STK39: variants seen among roughly 807,000 people sequenced by gnomAD.
STK39 encodes serine/threonine kinase 39.
Under a neutral mutation model 77.8 loss-of-function variants are expected in STK39, and 20 were observed. The observed-to-expected ratio is 0.26, with a 90% confidence interval of 0.18 to 0.37. The LOEUF (loss-of-function observed/expected upper bound fraction) is 0.37, where lower values mean the gene tolerates loss of function less well. STK39 is among the 10% of genes least tolerant of loss of function. STK39 has a pLI of 1.00. For missense variants in STK39, 479 were observed against 656.5 expected, an observed-to-expected ratio of 0.73 and a Z score of 2.95; for synonymous variants, 246 against 234.1, an observed-to-expected ratio of 1.05 and a Z score of -0.47.
chr2:168,084,176 G>A (rs933328369), intron 10 of STK39, among the ~76,000 whole-genome samples: 8 of 152,160 alleles, frequency 5.3e-5, no homozygotes, highest in African/African-American at 1.4e-4. Context: ...GCTTTCAGGT[G>A]GGCATGGTGG....
At position 168,142,761 on chromosome 2, in the gene STK39, G is replaced by C. The variant is rs186746526; in HGVS notation, c.629-2003C>G. Among the ~76,000 whole-genome samples the C allele has an allele frequency of 7.5e-4, 114 of 152,238 alleles. 1 individual carries two copies. Among genetic ancestry groups the C allele is most frequent in the Middle Eastern group, 6.8e-3 (2 of 294 alleles). On this transcript the variant is annotated intron_variant, in intron 5 of 17. Transcript: ENST00000355999. ...GATGGCTAAATGTCTTTAAAACTCA[G>C]AACAAAAATTTCAGGAGCAGAAAAC...
intron 16 of STK39, among the ~76,000 whole-genome samples, chr2:167,993,003 A>G (rs138037790): frequency 2.6e-4 from 40 of 152,372 alleles, no homozygotes; most frequent in African/African-American, 8.9e-4. Context: ...CTGCTTTAAT[A>G]TTCCTAGCTT....
At chr2:167,972,956 G>A (rs1215922090) in intron 16 of STK39, among the ~76,000 whole-genome samples, 2 of 152,042 alleles carry the variant, frequency 1.3e-5, no homozygotes, top group African/African-American at 4.8e-5. Flanking sequence ...CTGCTTATTA[G>A]GCCCTAGAAA....
At chr2:167,994,176 C>A (rs1683772359) in intron 16 of STK39, among the ~76,000 whole-genome samples, 1 of 152,062 alleles carries the variant, frequency 6.6e-6, no homozygotes, top group African/African-American at 2.4e-5. Context: ...TAAATAAAAC[C>A]ACCATCTCAA....
intron 5 of STK39, among the ~76,000 whole-genome samples, chr2:168,145,753 G>C (rs1193087915): frequency 6.6e-6 from 1 of 152,140 alleles, no homozygotes; most frequent in African/African-American, 2.4e-5. Context: ...TTCTAACCAA[G>C]AATGTCCAGT....
At chr2:168,171,073 G>A (rs143584325) in intron 2 of STK39, among the ~76,000 whole-genome samples, 239 of 152,284 alleles carry the variant, frequency 1.6e-3, no homozygotes, top group African/African-American at 4.7e-3. Context: ...TGTCACAAGC[G>A]CCAAACCAAG....
chr2:168,137,809 C>T (rs975121836), intron 8 of STK39, among the ~76,000 whole-genome samples: 2 of 152,304 alleles, frequency 1.3e-5, no homozygotes, highest in Non-Finnish European at 1.5e-5. Context: ...TTCTGTTTTA[C>T]TTCATTTCCT....
intron 16 of STK39, among the ~76,000 whole-genome samples, chr2:168,006,269 T>A (rs1020060401): frequency 2.0e-5 from 3 of 152,206 alleles, no homozygotes; most frequent in African/African-American, 7.2e-5. Context: ...TAGGAGTCGG[T>A]AAGCAGGCCA....
intron 1 of STK39, among the ~76,000 whole-genome samples, chr2:168,206,813 C>T (rs576060610): frequency 2.2e-4 from 34 of 152,162 alleles, no homozygotes; most frequent in South Asian, 8.3e-4. Flanking sequence ...TTTACGGGTC[C>T]GGTATTCAAA....
intron 1 of STK39, among the ~76,000 whole-genome samples, chr2:168,232,879 T>C (rs1690495640): frequency 6.6e-6 from 1 of 151,056 alleles, no homozygotes; most frequent in South Asian, 2.1e-4. Flanking sequence ...GCCATTGCAC[T>C]CCAGCCTGGG....
At position 168,247,071 on chromosome 2, in the gene STK39, A is replaced by T. The variant is rs1254519692; in HGVS notation, c.208+157T>A. On this transcript the variant is annotated intron_variant, in intron 1 of 17. Coordinates refer to ENST00000355999, the MANE Select transcript of STK39 (RefSeq NM_013233.3). ...AAATACATTAAAAATTAAAAAAAAA[A>T]AAAAAAAAAAAAAAAAAACTGTTGA... 4.6e-3 allele frequency among the ~76,000 whole-genome samples: 622 copies of T among 136,330 alleles called. 16 individuals carry two copies. The highest frequency in any genetic ancestry group is 0.015 in the African/African-American group (573 of 38,274). The allele number at this position is 136,330 out of a possible 152,430, so 89.4% of individuals were successfully genotyped here.
chr2:168,044,987 A>G (rs1330320980), intron 14 of STK39, among the ~76,000 whole-genome samples: 1 of 152,212 alleles, frequency 6.6e-6, no homozygotes, highest in Non-Finnish European at 1.5e-5. Context: ...AAGAGAAAGA[A>G]AAGCATTCAG....
At chr2:168,118,624 C>A (rs57321770) in intron 10 of STK39, among the ~76,000 whole-genome samples, 14,397 of 122,676 alleles carry the variant, frequency 0.12, 1,075 homozygotes, top group East Asian at 0.16. Context: ...AAAAAAAAAA[C>A]AACAACTCAA....
chr2:168,034,912 C>T (rs1267744955), intron 14 of STK39, among the ~76,000 whole-genome samples: 1 of 152,220 alleles, frequency 6.6e-6, no homozygotes. Context: ...TTTTTATCTG[C>T]ATCTCAGCAA....
At chr2:168,155,292 T>C (rs1021387677) in intron 5 of STK39, among the ~76,000 whole-genome samples, 1 of 152,180 alleles carries the variant, frequency 6.6e-6, no homozygotes, top group Non-Finnish European at 1.5e-5. Flanking sequence ...CCCAAGTATT[T>C]CTCACTGATG....
chr2:167,961,733 TGGAATGCTTCTCA>T (rs1263861424), intron 17 of STK39, among the ~76,000 whole-genome samples: 5 of 152,232 alleles, frequency 3.3e-5, no homozygotes, highest in African/African-American at 1.2e-4. Flanking sequence ...ATCTTCCCTG[TGGAATGCTTCTCA>T]GGGTTTGCTG....
At chr2:168,040,420 G>A (rs1271916105) in intron 14 of STK39, among the ~76,000 whole-genome samples, 2 of 152,198 alleles carry the variant, frequency 1.3e-5, no homozygotes, top group East Asian at 3.8e-4. Context: ...CTTGCCCTGA[G>A]TAATGGGCTT....
At chr2:168,119,749 G>C (rs1687356229) in intron 10 of STK39, among the ~76,000 whole-genome samples, 1 of 152,162 alleles carries the variant, frequency 6.6e-6, no homozygotes, top group African/African-American at 2.4e-5. Context: ...ATTCCATCAA[G>C]CATTTGAAAT....
At chr2:168,159,073 A>AC (rs1688506073) in intron 5 of STK39, among the ~76,000 whole-genome samples, 1 of 151,898 alleles carries the variant, frequency 6.6e-6, no homozygotes, top group African/African-American at 2.4e-5. Context: ...CTAAAAAAAA[A>AC]CAAAAATCAT....
Sources: allele counts gnomAD v4.1 joint callset (sites outside exome capture counted in the v4.1 genomes callset), GRCh38; gene constraint gnomAD v4.1.1; transcripts MANE v1.5; gene names NCBI Gene and HGNC (gene_info 2026-07-23, HGNC 2026-07-21).